Variants in C11orf65 observed in about 807,000 individuals in gnomAD.
C11orf65 encodes protein MFI.
C11orf65 carries 38 observed loss-of-function variants against 35.3 expected under a neutral mutation model. That is an observed-to-expected ratio of 1.08 (90% CI 0.83 to 1.41). The LOEUF (loss-of-function observed/expected upper bound fraction) is 1.41, where lower values mean the gene tolerates loss of function less well. C11orf65 is among the 40% of genes most tolerant of loss of function. C11orf65 has a pLI of 0.00. For synonymous variants in C11orf65, 105 were observed against 114.4 expected (o/e 0.92, Z 0.53); for missense variants, 370 against 367.1 (o/e 1.01, Z -0.06).
intron 2 of C11orf65, among the ~76,000 whole-genome samples, chr11:108,449,140 C>G (rs543173352): frequency 2.6e-4 from 40 of 152,242 alleles, no homozygotes; most frequent in Non-Finnish European, 3.8e-4. Context: ...AAAGAGGATA[C>G]AAACAAATGG....
intron 7 of C11orf65, 89 bp downstream of exon 7, chr11:108,393,118 TG>T: frequency 7.4e-7 from 1 of 1,354,478 alleles, no homozygotes; most frequent in Non-Finnish European, 1.0e-6. Flanking sequence ...AGATTGTTTG[TG>T]GCCCCAAGAT....
In C11orf65 at chr11:108,461,546, T is replaced by C; in HGVS notation, c.14A>G (p.Glu5Gly). Residue 5 changes from glutamate (E) to glycine (G), a missense_variant, in exon 2 of 9, where the codon GAG (glutamate) becomes GGG (glycine). By Grantham distance (98) the Glu-to-Gly change is moderately conservative. Coordinates refer to ENST00000393084, the MANE Select transcript of C11orf65 (RefSeq NM_152587.5). MPWK[E>G]ESEFTKQDKA... Reference sequence around the variant, plus strand: ...ATCCTGCTTTGTAAATTCTGATTCCTCTTTCCAAGGCATTTGAAATTCCTA... The same window carrying C: ...ATCCTGCTTTGTAAATTCTGATTCCCCTTTCCAAGGCATTTGAAATTCCTA... 6.2e-7 allele frequency: 1 copy of C among 1,608,064 alleles called. No individual in the cohort carries two copies. The highest frequency in any genetic ancestry group is 8.5e-7 in the Non-Finnish European group (1 of 1,176,680).
intron 6 of C11orf65, chr11:108,326,201 G>T: frequency 6.2e-7 from 1 of 1,614,108 alleles, no homozygotes; most frequent in Non-Finnish European, 8.5e-7. Context: ...AAATGATCAA[G>T]AAGTTGGATG....
At chr11:108,314,619 T>C (rs1043301939) in intron 6 of C11orf65, among the ~76,000 whole-genome samples, 2 of 152,146 alleles carry the variant, frequency 1.3e-5, no homozygotes, top group African/African-American at 4.8e-5. Flanking sequence ...AGTTGACCCT[T>C]GAACAGTGTA....
At chr11:108,321,541 AG>A in intron 6 of C11orf65, 1 of 1,420,826 alleles carries the variant, frequency 7.0e-7, no homozygotes, top group Admixed American at 1.7e-5. Flanking sequence ...CTAGCACTTT[AG>A]AAGGCTGAAG....
chr11:108,387,787 C>A (rs533557940), intron 7 of C11orf65, among the ~76,000 whole-genome samples: 1 of 152,336 alleles, frequency 6.6e-6, no homozygotes, highest in East Asian at 1.9e-4. Context: ...CTTGGCCTCC[C>A]AAAGTGCTGG....
At chr11:108,353,262 T>C (rs1403973221) in intron 2 of C11orf65, among the ~76,000 whole-genome samples, 1 of 152,056 alleles carries the variant, frequency 6.6e-6, no homozygotes, top group African/African-American at 2.4e-5. Context: ...GATTCTCCTG[T>C]CTCAGCCTCC....
intron 6 of C11orf65, chr11:108,315,740 G>T: frequency 1.0e-6 from 1 of 958,466 alleles, no homozygotes; most frequent in Non-Finnish European, 1.7e-6. Context: ...GTTACATATT[G>T]GTAATGATAC....
chr11:108,387,280 A>G (rs1420734708), intron 7 of C11orf65, among the ~76,000 whole-genome samples: 3 of 144,088 alleles, frequency 2.1e-5, no homozygotes, highest in African/African-American at 7.7e-5. Flanking sequence ...TCAGCCTCCC[A>G]AGTAGCTGGG....
At chr11:108,358,340 G>T (rs2090283854) in intron 2 of C11orf65, among the ~76,000 whole-genome samples, 1 of 143,178 alleles carries the variant, frequency 7.0e-6, no homozygotes, top group African/African-American at 2.6e-5. Flanking sequence ...GAAAGTGATG[G>T]GGAGAATGGA....
chr11:108,345,889 T>C lies in C11orf65; in HGVS notation c.227-10597A>G, dbSNP rs780905851. ...AGAAGCGATTGGCTTATACGCGCAGTGTAGCTACTTCTTCTATTGGTAATC... is the reference window on the plus strand; with the variant it reads ...AGAAGCGATTGGCTTATACGCGCAGCGTAGCTACTTCTTCTATTGGTAATC... On this transcript the variant is annotated intron_variant, in intron 2 of 3. Coordinates refer to the C11orf65 transcript ENST00000524755. 3.1e-6 allele frequency: 5 copies of C among 1,613,658 alleles called. No homozygotes were observed. Among genetic ancestry groups the C allele is most frequent in the Non-Finnish European group, 3.4e-6 (4 of 1,179,790 alleles).
At chr11:108,427,592 C>T (rs1387262584) in intron 3 of C11orf65, among the ~76,000 whole-genome samples, 1 of 148,552 alleles carries the variant, frequency 6.7e-6, no homozygotes, top group Non-Finnish European at 1.5e-5. Context: ...CATGGTGGCG[C>T]GCGTCTGTAG....
At chr11:108,455,993 A>G (rs1336641779) in intron 2 of C11orf65, among the ~76,000 whole-genome samples, 1 of 151,736 alleles carries the variant, frequency 6.6e-6, no homozygotes, top group African/African-American at 2.4e-5. Flanking sequence ...CCCATCTACA[A>G]AAAGTACAGA....
intron 6 of C11orf65, chr11:108,317,531 T>C: frequency 6.3e-7 from 1 of 1,597,976 alleles, no homozygotes; most frequent in Non-Finnish European, 8.5e-7. Context: ...GGTAAGAAAT[T>C]TGACTTGATT....
chr11:108,317,509 G>A lies in C11orf65; in HGVS notation c.641-8438C>T, dbSNP rs1591790360. Reference sequence around the variant, plus strand: ...TGGAGGAATATGCAGTGGGACCATTGCACTTCCGTCAGGTAAGAAATTTGA... The same window carrying A: ...TGGAGGAATATGCAGTGGGACCATTACACTTCCGTCAGGTAAGAAATTTGA... On this transcript the variant is annotated intron_variant, in intron 6 of 6. Transcript: ENST00000525729. 2 of 1,607,284 alleles carry A rather than the reference G, an allele frequency of 1.2e-6. No homozygotes were observed. The highest frequency in any genetic ancestry group is 2.7e-5 in the African/African-American group (2 of 73,418).
chr11:108,415,078 T>C (rs371897552), intron 3 of C11orf65, among the ~76,000 whole-genome samples: 14 of 152,254 alleles, frequency 9.2e-5, no homozygotes, highest in African/African-American at 3.4e-4. Flanking sequence ...TCATACTTAA[T>C]GGTGAGAAAC....
chr11:108,443,654 G>A (rs1477131769), intron 2 of C11orf65, among the ~76,000 whole-genome samples: 8 of 152,082 alleles, frequency 5.3e-5, no homozygotes, highest in Non-Finnish European at 1.0e-4. Context: ...TAGAACTCAG[G>A]ATTAAGAAAC....
At chr11:108,438,028 C>A in intron 2 of C11orf65, among the ~76,000 whole-genome samples, 1 of 152,120 alleles carries the variant, frequency 6.6e-6, no homozygotes, top group Non-Finnish European at 1.5e-5. Flanking sequence ...ATAATCAAAA[C>A]AGTTTGGTAC....
At chr11:108,418,384 GACA>G (rs1591512120) in intron 3 of C11orf65, among the ~76,000 whole-genome samples, 1 of 152,002 alleles carries the variant, frequency 6.6e-6, no homozygotes, top group Non-Finnish European at 1.5e-5. Flanking sequence ...GATAAGGGCT[GACA>G]ACAAAAAGAT....
Sources: allele counts gnomAD v4.1 joint callset (sites outside exome capture counted in the v4.1 genomes callset), GRCh38; gene constraint gnomAD v4.1.1; transcripts MANE v1.5; gene names NCBI Gene and HGNC (gene_info 2026-07-23, HGNC 2026-07-21).